Variants in SLC5A4 observed in about 807,000 individuals in gnomAD.
The protein encoded by SLC5A4 is solute carrier family 5 member 4, also known as probable glucose sensor protein SLC5A4.
SLC5A4 carries 55 observed loss-of-function variants against 70.3 expected under a neutral mutation model. The ratio of observed to expected loss-of-function variants is 0.78; its 90% CI spans 0.63 to 0.98. SLC5A4 has a LOEUF of 0.98. Among genes scored for constraint, SLC5A4 ranks in the 50% least tolerant of loss-of-function variants. SLC5A4 has a pLI of 0.00. For missense variants in SLC5A4, 735 were observed against 839.2 expected (o/e 0.88, Z 1.53); for synonymous variants, 268 against 305.7 (o/e 0.88, Z 1.29).
chr22:32,273,582 T>A, the SLC5A4 span: 1 of 152,444 alleles, frequency 6.6e-6, no homozygotes, highest in Non-Finnish European at 1.5e-5. Context: ...TTTGTATGCA[T>A]CTATTATTAC....
chr22:32,237,416 G>T, intron 6 of SLC5A4, 92 bp from the exon 7 acceptor site: 1 of 813,054 alleles, frequency 1.2e-6, no homozygotes, highest in African/African-American at 1.8e-5. Context: ...CCACAACCCT[G>T]GAAATGACCC....
chr22:32,324,264 T>C, the SLC5A4 span, among the ~76,000 whole-genome samples: 1 of 119,548 alleles, frequency 8.4e-6, no homozygotes, highest in African/African-American at 3.2e-5. Flanking sequence ...TACACACATA[T>C]ATGTATATAT....
chr22:32,272,344 G>GTGTCAT, the SLC5A4 span: 1 of 841,794 alleles, frequency 1.2e-6, no homozygotes, highest in African/African-American at 1.7e-5. Context: ...AGGCCACCTG[G>GTGTCAT]TGTCGGCCAT....
chr22:32,336,239 A>G, the SLC5A4 span, among the ~76,000 whole-genome samples: 1 of 152,138 alleles, frequency 6.6e-6, no homozygotes, highest in East Asian at 1.9e-4. Flanking sequence ...CTCTTGCTGC[A>G]GCTCAGAGGG....
chr22:32,346,435 C>T, the SLC5A4 span, among the ~76,000 whole-genome samples: 7,029 of 151,854 alleles, frequency 0.046, 526 homozygotes, highest in African/African-American at 0.15. Flanking sequence ...GGAGGCATCA[C>T]GCTACCTGAC....
the SLC5A4 span, chr22:32,272,948 G>A: frequency 3.3e-5 from 18 of 537,326 alleles, no homozygotes; most frequent in East Asian, 2.6e-4. Flanking sequence ...GTGGACCTCC[G>A]CACCCTCCAG....
intron 5 of SLC5A4, among the ~76,000 whole-genome samples, chr22:32,246,466 G>A (rs1288566081): frequency 6.6e-6 from 1 of 152,128 alleles, no homozygotes; most frequent in African/African-American, 2.4e-5. Flanking sequence ...ATGTGCTGCT[G>A]AATCTTCATA....
the SLC5A4 span, among the ~76,000 whole-genome samples, chr22:32,330,528 C>A: frequency 3.9e-5 from 4 of 101,442 alleles, no homozygotes; most frequent in African/African-American, 4.1e-5. Flanking sequence ...CTGTGTGTGT[C>A]TGTGTTGGGG....
At chr22:32,346,942 C>T in the SLC5A4 span, among the ~76,000 whole-genome samples, 4 of 151,592 alleles carry the variant, frequency 2.6e-5, no homozygotes, top group Non-Finnish European at 2.9e-5. Context: ...AGAAAATTTT[C>T]GCAACCTACT....
chr22:32,320,272 G>A, the SLC5A4 span, among the ~76,000 whole-genome samples: 25,109 of 152,100 alleles, frequency 0.17, 2,167 homozygotes, highest in East Asian at 0.3. Context: ...CTGCTGGTGG[G>A]GGGGATGCTG....
At chr22:32,272,273 C>G in the SLC5A4 span, 1 of 804,466 alleles carries the variant, frequency 1.2e-6, no homozygotes, top group East Asian at 2.4e-5. Flanking sequence ...TGACCAAGAA[C>G]AAGTTCAGAG....
chr22:32,254,544 C>A (rs538979836), intron 1 of SLC5A4, among the ~76,000 whole-genome samples: 1 of 152,186 alleles, frequency 6.6e-6, no homozygotes, highest in Non-Finnish European at 1.5e-5. Flanking sequence ...GTGGCTCACG[C>A]CTGTAATTCC....
At chr22:32,298,155 A>G in the SLC5A4 span, among the ~76,000 whole-genome samples, 1 of 147,426 alleles carries the variant, frequency 6.8e-6, no homozygotes, top group Non-Finnish European at 1.5e-5. Context: ...AGAGTTCTGT[A>G]GATGTCTGCT....
the SLC5A4 span, among the ~76,000 whole-genome samples, chr22:32,275,917 T>C: frequency 2.0e-5 from 3 of 152,220 alleles, no homozygotes; most frequent in Admixed American, 1.3e-4. Flanking sequence ...TTCTAACTGG[T>C]GTGAGATGGT....
At chr22:32,267,918 A>T in the SLC5A4 span, among the ~76,000 whole-genome samples, 2 of 152,088 alleles carry the variant, frequency 1.3e-5, no homozygotes, top group Admixed American at 6.6e-5. Context: ...AGGTCAGGAG[A>T]TTGAGACCAT....
the SLC5A4 span, among the ~76,000 whole-genome samples, chr22:32,311,783 T>G: frequency 6.6e-6 from 1 of 151,978 alleles, no homozygotes; most frequent in Non-Finnish European, 1.5e-5. Flanking sequence ...GGATCAGCGC[T>G]CTCGGCGGTG....
chr22:32,237,160 T>A (rs943784550), intron 7 of SLC5A4, 84 bp downstream of exon 7: 29 of 908,366 alleles, frequency 3.2e-5, no homozygotes, highest in Non-Finnish European at 5.2e-5. Context: ...CTGGAAGGCA[T>A]CCCAATAAAG....
chr22:32,321,405 T>C, the SLC5A4 span, among the ~76,000 whole-genome samples: 45 of 152,266 alleles, frequency 3.0e-4, no homozygotes, highest in Admixed American at 1.4e-3. Context: ...TGAGCTGAGA[T>C]CGCGCCACTG....
chr22:32,341,075 CG>C, the SLC5A4 span, among the ~76,000 whole-genome samples: 7 of 152,068 alleles, frequency 4.6e-5, no homozygotes, highest in Non-Finnish European at 8.8e-5. Context: ...TAGGAGGCAG[CG>C]GGGACGTGGA....
Sources: gnomAD v4.1 joint callset for allele counts (sites outside exome capture counted in the v4.1 genomes callset) on GRCh38, gnomAD v4.1.1 for gene constraint, MANE v1.5 for transcripts, NCBI Gene and HGNC (gene_info 2026-07-23, HGNC 2026-07-21) for gene names.